Variants in ACVR2A observed in about 807,000 individuals in gnomAD.
The protein encoded by ACVR2A is activin receptor type-2A.
Under a neutral mutation model 61.4 loss-of-function variants are expected in ACVR2A, and 7 were observed. The observed-to-expected ratio is 0.11, with a 90% CI of 0.06 to 0.21. The LOEUF (loss-of-function observed/expected upper bound fraction) is 0.21. Ranked by LOEUF, ACVR2A falls within the 10% of genes least tolerant of loss-of-function variation. The pLI is 1.00. For synonymous variants in ACVR2A, 193 were observed against 208.3 expected, an observed-to-expected ratio of 0.93 and a Z score of 0.63; for missense variants, 322 against 621.7, an observed-to-expected ratio of 0.52 and a Z score of 5.13.
intron 4 of ACVR2A, among the ~76,000 whole-genome samples, chr2:147,913,335 G>T (rs138759278): frequency 9.2e-5 from 14 of 151,942 alleles, no homozygotes; most frequent in African/African-American, 2.9e-4. Context: ...ATTTAGCACT[G>T]TATTCCCTCT....
At chr2:147,862,063 G>T (rs1265132303) in intron 1 of ACVR2A, among the ~76,000 whole-genome samples, 1 of 152,114 alleles carries the variant, frequency 6.6e-6, no homozygotes, top group Admixed American at 6.5e-5. Flanking sequence ...TGATTTTCAA[G>T]TTCAGTGTTC....
chr2:147,924,008 G>A (rs1287152273), intron 9 of ACVR2A, among the ~76,000 whole-genome samples: 1 of 152,014 alleles, frequency 6.6e-6, no homozygotes, highest in African/African-American at 2.4e-5. Flanking sequence ...ACTATTAAAG[G>A]GAATTTAATA....
At chr2:147,851,938 G>A (rs1007664966) in intron 1 of ACVR2A, among the ~76,000 whole-genome samples, 1 of 151,932 alleles carries the variant, frequency 6.6e-6, no homozygotes, top group Non-Finnish European at 1.5e-5. Context: ...TGGTGAACTT[G>A]GATTAGATGA....
intron 1 of ACVR2A, among the ~76,000 whole-genome samples, chr2:147,858,486 C>T (rs993612625): frequency 1.3e-5 from 2 of 152,090 alleles, no homozygotes; most frequent in Admixed American, 1.3e-4. Context: ...TTATCTTTTG[C>T]GGTATTGGCC....
intron 4 of ACVR2A, among the ~76,000 whole-genome samples, chr2:147,910,491 T>C (rs1687087361): frequency 6.6e-6 from 1 of 152,168 alleles, no homozygotes; most frequent in Admixed American, 6.5e-5. Context: ...GAATTATAAA[T>C]ACTCTTGAAT....
intron 1 of ACVR2A, among the ~76,000 whole-genome samples, chr2:147,881,635 GTGTGTGTA>G (rs375485442): frequency 0.26 from 19,156 of 74,608 alleles, 2,086 homozygotes; most frequent in South Asian, 0.38. Context: ...GTGTGTGTGT[GTGTGTGTA>G]TGTGTGTGTG....
chr2:147,860,265 C>T (rs1573915480), intron 1 of ACVR2A, among the ~76,000 whole-genome samples: 1 of 152,036 alleles, frequency 6.6e-6, no homozygotes, highest in African/African-American at 2.4e-5. Context: ...ATAATCATGT[C>T]TTTAGCTGAA....
chr2:147,896,511 A>G lies in ACVR2A; in HGVS notation c.263+3A>G, dbSNP rs755973139. Reference sequence around the variant, plus strand: ...GATGATATCAACTGCTATGACAGGTAAGAACACATTTAAGATTTTATGGTA... The same window carrying G: ...GATGATATCAACTGCTATGACAGGTGAGAACACATTTAAGATTTTATGGTA... On this transcript the variant is annotated splice_donor_region_variant and intron_variant, in intron 2 of 10. Coordinates refer to ENST00000241416, the MANE Select transcript of ACVR2A (RefSeq NM_001616.5). 6.2e-7 allele frequency: 1 copy of G among 1,613,678 alleles called. No individual in the cohort carries two copies. The highest frequency in any genetic ancestry group is 8.5e-7 in the Non-Finnish European group (1 of 1,179,666).
chr2:147,913,519 G>C (rs1029582364), intron 4 of ACVR2A, among the ~76,000 whole-genome samples: 2 of 151,748 alleles, frequency 1.3e-5, no homozygotes, highest in Non-Finnish European at 2.9e-5. Flanking sequence ...AGGACTGAAT[G>C]GTTTCCTTTC....
At chr2:147,899,644 T>C in intron 3 of ACVR2A, 77 bp downstream of exon 3, 1 of 1,581,182 alleles carries the variant, frequency 6.3e-7, no homozygotes, top group Non-Finnish European at 8.6e-7. Flanking sequence ...GATGGAATAA[T>C]TTGCCCCTAC....
At chr2:147,881,602 AGTGTGTGTGT>A (rs145075375) in intron 1 of ACVR2A, among the ~76,000 whole-genome samples, 214 of 81,458 alleles carry the variant, frequency 2.6e-3, no homozygotes, top group Middle Eastern at 0.011. Flanking sequence ...GAAGCTGCTT[AGTGTGTGTGT>A]GTGTGTGTGT....
Position 147,912,668 on chromosome 2 carries a change from A to G in ACVR2A, c.529-2523A>G, listed in dbSNP as rs79981453. ...ATTATAGGATGAGTGAAACTTACAG[A>G]TGAATTTAAAGTTTCATTCTAGTAA... On this transcript the variant is annotated intron_variant, in intron 4 of 10. Coordinates refer to ENST00000241416, the MANE Select transcript of ACVR2A (RefSeq NM_001616.5). 8.5e-5 allele frequency among the ~76,000 whole-genome samples: 13 copies of G among 152,110 alleles called. No individual in the cohort carries two copies. The East Asian group carries it at 2.5e-3, about 29-fold the overall frequency.
chr2:147,918,097 T>A (rs1357290603), intron 6 of ACVR2A, among the ~76,000 whole-genome samples: 1 of 151,588 alleles, frequency 6.6e-6, no homozygotes. Flanking sequence ...TCCCATGATA[T>A]AACAACTCTA....
chr2:147,909,409 A>G (rs539242457), intron 4 of ACVR2A, among the ~76,000 whole-genome samples: 1 of 152,250 alleles, frequency 6.6e-6, no homozygotes, highest in Admixed American at 6.5e-5. Context: ...TGAATGAACT[A>G]TTCTTCATTC....
At chr2:147,858,607 A>G (rs1381957797) in intron 1 of ACVR2A, among the ~76,000 whole-genome samples, 1 of 152,170 alleles carries the variant, frequency 6.6e-6, no homozygotes, top group Non-Finnish European at 1.5e-5. Flanking sequence ...CTTATAATGT[A>G]GTTTCTTCCA....
rs541681600 is a variant in ACVR2A, at chr2:147,910,347, T to A, written c.529-4844T>A. ...TGAAAACACCTGTATTTAAACAAGA[T>A]CTGAGAGATCCTTGAGCCTTTGGAA... On this transcript the variant is annotated intron_variant, in intron 4 of 10. Coordinates refer to ENST00000241416, the MANE Select transcript of ACVR2A (RefSeq NM_001616.5). Among the ~76,000 whole-genome samples, 16 of 152,252 alleles carry A rather than the reference T, an allele frequency of 1.1e-4. No individual in the cohort carries two copies. In the East Asian group the frequency reaches 2.9e-3, roughly 28 times the overall value.
chr2:147,886,915 T>C lies in ACVR2A; in HGVS notation c.56-9386T>C, dbSNP rs558858931. ...ACATTCTAAGCAACTATAACTGTAC[T>C]GTACAAGAAGACAAGGCTGAGTGCT... On this transcript the variant is annotated intron_variant, in intron 1 of 10. Coordinates refer to ENST00000241416, the MANE Select transcript of ACVR2A (RefSeq NM_001616.5). Among the ~76,000 whole-genome samples the C allele has an allele frequency of 7.2e-5, 11 of 152,116 alleles. No homozygotes were observed. In the South Asian group the frequency reaches 2.1e-3, roughly 29 times the overall value.
chr2:147,846,360 GTCT>G (rs1685313634), intron 1 of ACVR2A, among the ~76,000 whole-genome samples: 2 of 151,570 alleles, frequency 1.3e-5, no homozygotes, highest in South Asian at 4.2e-4. Flanking sequence ...AAGGGTGGTA[GTCT>G]TCTTTGTGTA....
intron 1 of ACVR2A, among the ~76,000 whole-genome samples, chr2:147,885,697 G>C (rs965170382): frequency 2.0e-5 from 3 of 152,076 alleles, no homozygotes; most frequent in African/African-American, 7.2e-5. Flanking sequence ...TTCACTTCAT[G>C]ATACTTACAG....
Sources: gnomAD v4.1 joint callset for allele counts (sites outside exome capture counted in the v4.1 genomes callset) on GRCh38, gnomAD v4.1.1 for gene constraint, MANE v1.5 for transcripts, NCBI Gene and HGNC (gene_info 2026-07-23, HGNC 2026-07-21) for gene names.